The following TICRR variants were observed in gnomAD, a reference collection of about 807,000 sequenced individuals.
TICRR encodes the protein TOPBP1 interacting checkpoint and replication regulator.
TICRR carries 132 observed loss-of-function variants against 178.1 expected under a neutral mutation model. The observed-to-expected ratio is 0.74, with a 90% CI of 0.64 to 0.86. TICRR has a LOEUF of 0.86. TICRR is among the 40% of genes least tolerant of loss of function. The pLI is 0.00. For synonymous variants in TICRR, 991 were observed against 900.7 expected (o/e 1.10, Z -1.79); for missense variants, 2,587 against 2,334.3 (o/e 1.11, Z -2.23).
chr15:89,575,494 A>G lies in TICRR; in HGVS notation c.-93A>G, dbSNP rs774915824. 1.7e-4 allele frequency: 213 copies of G among 1,253,394 alleles called. No homozygotes were observed. The highest frequency in any genetic ancestry group is 2.1e-4 in the Non-Finnish European group (202 of 948,684). 77.6% of individuals were successfully genotyped at this position (1,253,394 alleles called of 1,614,324 possible). A position where few individuals can be genotyped will look rare whatever the true frequency, so the allele number is the denominator to read the frequency against. The stretch of plus-strand genomic sequence containing the variant: ...AGCCTTTCGACCAGGGTCCCAAAGG[A>G]AAGCAGTGAGTGGTGCTGTTTCCCT... On this transcript the variant is annotated 5_prime_UTR_variant, in exon 1 of 22. Coordinates refer to ENST00000268138, the MANE Select transcript of TICRR (RefSeq NM_152259.4).
chr15:89,595,638 CT>C, intron 7 of TICRR, 27 bp downstream of exon 7: 1 of 1,534,786 alleles, frequency 6.5e-7, no homozygotes, highest in Non-Finnish European at 8.9e-7. Context: ...ATAATTTACT[CT>C]TTTATACCCC....
At position 89,575,754 on chromosome 15, in the gene TICRR, G is replaced by A. The variant is rs773985995; in HGVS notation, c.168G>A (p.Arg56=). ...AGTTCTTTGACTCGCAGGGGGCGCG[G>A]AGCCGGCCGTCCCGCGTGTCTGACT... ...AFKFFDSQGA[R]SRPSRVSDFR... Residue 56 remains arginine, a synonymous_variant, in exon 1 of 22, where the codon CGG becomes CGA. Coordinates refer to ENST00000268138, the MANE Select transcript of TICRR (RefSeq NM_152259.4). 5 of 1,609,440 alleles carry A rather than the reference G, an allele frequency of 3.1e-6. No homozygotes were observed. The African/African-American group carries it at 5.3e-5, about 17-fold the overall frequency.
At position 89,625,607 on chromosome 15, in the gene TICRR, G is replaced by A. The variant is rs375925528; in HGVS notation, c.5297G>A (p.Gly1766Glu). The A allele has an allele frequency of 5.0e-6, 8 of 1,613,026 alleles. No individual in the cohort carries two copies. The African/African-American group carries it at 1.1e-4, about 22-fold the overall frequency. The change falls in exon 20 of 22, where the codon GGA becomes GAA. Residue 1766 changes from glycine (G) to glutamate (E), a missense_variant. Gly to Glu is a moderately conservative substitution (Grantham distance 98). Coordinates refer to ENST00000268138, the MANE Select transcript of TICRR (RefSeq NM_152259.4). ...AAGGCCGAGGAAGCCTCTTCCTGGG[G>A]ACAGTTTGGGTTGAGTTCCAGGAAG... ...MPKAEEASSW[G>E]QFGLSSRKRV...
chr15:89,605,788 G>A (rs770663224), intron 13 of TICRR, among the ~76,000 whole-genome samples: 2 of 152,124 alleles, frequency 1.3e-5, no homozygotes, highest in African/African-American at 2.4e-5. Flanking sequence ...CATTTGTTAA[G>A]TTTCTGCCCA....
rs1567053474 is a variant in TICRR, at chr15:89,624,793, G to T, written c.4483G>T (p.Asp1495Tyr). Residue 1495 changes from aspartate (D) to tyrosine (Y), a missense_variant, in exon 20 of 22, where the codon GAT becomes TAT. By Grantham distance (160) the Asp-to-Tyr change is radical. Coordinates refer to ENST00000268138, the MANE Select transcript of TICRR (RefSeq NM_152259.4). The stretch of plus-strand genomic sequence containing the variant: ...AGAGGGTGAGGGGCTAAGGACAGCA[G>T]ATGCTGAGAAGTCTTCTCTGTCTCA... The part of the protein sequence containing the change: ...VEEGEGLRTA[D>Y]AEKSSLSHPG... The T allele has an allele frequency of 6.2e-7, 1 of 1,614,220 alleles. No homozygotes were observed. The highest frequency in any genetic ancestry group is 8.5e-7 in the Non-Finnish European group (1 of 1,180,044).
intron 21 of TICRR, 75 bp downstream of exon 21, chr15:89,626,136 G>A (rs1015527276): frequency 1.9e-5 from 30 of 1,558,016 alleles, no homozygotes; most frequent in South Asian, 2.4e-5. Flanking sequence ...CAGGCAGCTC[G>A]ATTCTAGAGG....
At chr15:89,587,503 G>T (rs546983403) in intron 4 of TICRR, among the ~76,000 whole-genome samples, 2 of 152,236 alleles carry the variant, frequency 1.3e-5, no homozygotes, top group African/African-American at 4.8e-5. Flanking sequence ...GCAGTCTGGG[G>T]AATGAGGAGA....
intron 21 of TICRR, 123 bp downstream of exon 21, chr15:89,626,184 G>A (rs761468365): frequency 3.6e-5 from 38 of 1,044,414 alleles, no homozygotes; most frequent in Non-Finnish European, 4.7e-5. Flanking sequence ...AGGTGACTTC[G>A]CGCCTACAGC....
At chr15:89,608,657 A>T in intron 14 of TICRR, 146 bp from the exon 15 acceptor site, 2 of 611,484 alleles carry the variant, frequency 3.3e-6, no homozygotes, top group Non-Finnish European at 2.5e-6. Flanking sequence ...TATGCTATTT[A>T]AGGAAACCTT....
chr15:89,605,548 A>G (rs767932236), intron 13 of TICRR, among the ~76,000 whole-genome samples: 1 of 152,076 alleles, frequency 6.6e-6, no homozygotes, highest in Non-Finnish European at 1.5e-5. Context: ...TTTAGTAAAG[A>G]TGGAGTTTCA....
chr15:89,612,958 CAG>C (rs1014137401), intron 15 of TICRR, among the ~76,000 whole-genome samples: 46 of 152,266 alleles, frequency 3.0e-4, no homozygotes, highest in East Asian at 9.6e-4. Context: ...TTTTAAATAA[CAG>C]GGGGGAACAG....
rs1962610107 is a variant in TICRR at position 89,576,130 on chromosome 15, C to T, written c.544C>T (p.Pro182Ser). Residue 182 changes from proline (P) to serine (S), a missense_variant, in exon 1 of 22, where the codon CCG becomes TCG. Pro to Ser is a moderately conservative substitution (Grantham distance 74). Transcript: ENST00000268138. ...SGCEAQAQRL[P>S]PTPKQVMEKL... ...GTGCGAGGCCCAGGCCCAGCGCCTG[C>T]CGCCCACCCCTAAGCAGGTGATGGA... 4 of 1,609,382 alleles carry T rather than the reference C, an allele frequency of 2.5e-6. No homozygotes were observed. The highest frequency in any genetic ancestry group is 3.4e-6 in the Non-Finnish European group (4 of 1,179,998).
rs750481691 is a variant in TICRR, at chr15:89,575,913, A to T, written c.327A>T (p.Leu109=). ...ACGGCGCCCTGATGGAGACGCTGCT[A>T]GACTACCAGTGGGACCGGCCCGAGA... is the stretch of plus-strand genomic sequence containing the variant. ...HTHGALMETL[L]DYQWDRPEIT... is the part of the protein sequence containing the mutation. Residue 109 remains leucine, a synonymous_variant, in exon 1 of 22, where the codon CTA becomes CTT. Coordinates refer to ENST00000268138, the MANE Select transcript of TICRR (RefSeq NM_152259.4). The T allele has an allele frequency of 1.9e-6, 3 of 1,592,698 alleles. No homozygotes were observed. Among genetic ancestry groups the T allele is most frequent in the South Asian group, 2.3e-5 (2 of 88,848 alleles).
At chr15:89,576,987 G>A (rs189767115) in intron 1 of TICRR, among the ~76,000 whole-genome samples, 774 of 151,594 alleles carry the variant, frequency 5.1e-3, no homozygotes, top group Non-Finnish European at 7.4e-3. Context: ...CCACCCCTCC[G>A]GGTTCAAGCG....
intron 2 of TICRR, among the ~76,000 whole-genome samples, chr15:89,583,527 T>C (rs1596039614): frequency 6.6e-6 from 1 of 152,238 alleles, no homozygotes; most frequent in Non-Finnish European, 1.5e-5. Context: ...TTATGTGCAG[T>C]TTAAGGAATT....
In TICRR at chr15:89,616,388, C is replaced by T. The variant is rs759278424; in HGVS notation, c.2870-17C>T. On this transcript the variant is annotated splice_polypyrimidine_tract_variant and intron_variant, in intron 15 of 21. Coordinates refer to ENST00000268138, the MANE Select transcript of TICRR (RefSeq NM_152259.4). Reference sequence around the variant, plus strand: ...GGTTAAATGAAATTTATGATTTAAGCTGTGTTTACATTTTAGGTTATCACA... The same window carrying T: ...GGTTAAATGAAATTTATGATTTAAGTTGTGTTTACATTTTAGGTTATCACA... The T allele has an allele frequency of 4.4e-6, 7 of 1,606,652 alleles. No homozygotes were observed. In the Admixed American group the frequency reaches 6.7e-5, roughly 15 times the overall value.
chr15:89,627,187 G>C lies in TICRR; in HGVS notation c.*101G>C, dbSNP rs1300852908. On this transcript the variant is annotated 3_prime_UTR_variant, in exon 22 of 22. Coordinates refer to ENST00000268138, the MANE Select transcript of TICRR (RefSeq NM_152259.4). ...TCCCAAGCCTCTTTTGCCATGGTCA[G>C]TGTTCAGATTGCCATTAGAATGCCT... 4.8e-6 allele frequency: 7 copies of C among 1,450,188 alleles called. No homozygotes were observed. Among genetic ancestry groups the C allele is most frequent in the Non-Finnish European group, 6.6e-6 (7 of 1,055,156 alleles). 89.8% of individuals were successfully genotyped at this position (1,450,188 alleles called of 1,614,324 possible). A position where few individuals can be genotyped will look rare whatever the true frequency, so the allele number is the denominator to read the frequency against.
chr15:89,620,950 C>CT (rs1439959512), intron 18 of TICRR, among the ~76,000 whole-genome samples: 1 of 151,504 alleles, frequency 6.6e-6, no homozygotes, highest in Non-Finnish European at 1.5e-5. Flanking sequence ...TCTCGATCTC[C>CT]GACTTAGTGA....
At position 89,577,315 on chromosome 15, in the gene TICRR, G is replaced by A. The variant is rs1223712790; in HGVS notation, c.654+1075G>A. ...GGCTAATTTGGATTTTTGCTGAGGC[G>A]GTGAGGCCCCCTGCTCCTGTTAAGT... On this transcript the variant is annotated intron_variant, in intron 1 of 21. Transcript: ENST00000268138. Among the ~76,000 whole-genome samples, 6 of 152,164 alleles carry A rather than the reference G, an allele frequency of 3.9e-5. No homozygotes were observed. The East Asian group carries it at 7.7e-4, about 20-fold the overall frequency.
Sources: allele counts gnomAD v4.1 joint callset (sites outside exome capture counted in the v4.1 genomes callset), GRCh38; gene constraint gnomAD v4.1.1; transcripts MANE v1.5; gene names NCBI Gene and HGNC (gene_info 2026-07-23, HGNC 2026-07-21).